The following UBAC2 variants were observed in gnomAD, a reference collection of about 807,000 sequenced individuals.
UBAC2 encodes the protein UBA domain containing 2.
UBAC2 carries 26 observed loss-of-function variants against 44.0 expected under a neutral mutation model. That is an observed-to-expected ratio of 0.59 (90% CI 0.43 to 0.82). The LOEUF (loss-of-function observed/expected upper bound fraction) is 0.82. Among genes scored for constraint, UBAC2 ranks in the 40% least tolerant of loss-of-function variants. The pLI is 0.00. For synonymous variants in UBAC2, 155 were observed against 154.3 expected (o/e 1.00, Z -0.04); for missense variants, 329 against 419.4 (o/e 0.78, Z 1.88).
At chr13:99,243,776 A>C in intron 2 of UBAC2, 56 bp from the exon 3 acceptor site, 1 of 1,516,150 alleles carries the variant, frequency 6.6e-7, no homozygotes, top group Non-Finnish European at 8.9e-7. Context: ...TTGCTAAGGA[A>C]GAGACCCGAA....
At chr13:99,233,624 A>G (rs1453819313) in intron 1 of UBAC2, among the ~76,000 whole-genome samples, 1 of 152,202 alleles carries the variant, frequency 6.6e-6, no homozygotes, top group Non-Finnish European at 1.5e-5. Flanking sequence ...CGTTGGAAAA[A>G]GAATGCAACT....
In UBAC2 at chr13:99,283,914, T is replaced by C. The variant is rs139537934; in HGVS notation, c.390-30183T>C. ...CACGCCCAGCTAATTTTTGTATTTTTAATAGAGACGGTGTTTCACCATGTA... is the reference window on the plus strand; with the variant it reads ...CACGCCCAGCTAATTTTTGTATTTTCAATAGAGACGGTGTTTCACCATGTA... On this transcript the variant is annotated intron_variant, in intron 4 of 8. Coordinates refer to ENST00000403766, the MANE Select transcript of UBAC2 (RefSeq NM_001144072.2). Among the ~76,000 whole-genome samples the C allele has an allele frequency of 8.0e-3, 1,220 of 152,148 alleles. 12 individuals are homozygous for C. Among genetic ancestry groups the C allele is most frequent in the African/African-American group, 0.028 (1,165 of 41,476 alleles).
In UBAC2 at chr13:99,340,502, G is replaced by A; in HGVS notation, c.744G>A (p.Glu248=). 1 of 1,614,178 alleles carries A rather than the reference G, an allele frequency of 6.2e-7. No homozygotes were observed. ...ACATCCAGAGACAGCAGAGAATGGAGCTGCTGGACCGGCAGCTGATGTTCT... is the reference window on the plus strand; with the variant it reads ...ACATCCAGAGACAGCAGAGAATGGAACTGCTGGACCGGCAGCTGATGTTCT... ...TLDIQRQQRM[E]LLDRQLMFSQ... The change falls in exon 7 of 9, where the codon GAG becomes GAA. Residue 248 remains glutamate, a synonymous_variant. Transcript: ENST00000403766.
chr13:99,271,980 G>T (rs1420405710), intron 4 of UBAC2, among the ~76,000 whole-genome samples: 1 of 152,150 alleles, frequency 6.6e-6, no homozygotes, highest in African/African-American at 2.4e-5. Flanking sequence ...TGTTAGGACT[G>T]TTTGATCTTT....
chr13:99,295,358 G>A lies in UBAC2; in HGVS notation c.390-18739G>A, dbSNP rs758206571. 18 of 1,613,218 alleles carry A rather than the reference G, an allele frequency of 1.1e-5. No homozygotes were observed. The highest frequency in any genetic ancestry group is 1.5e-5 in the Non-Finnish European group (18 of 1,179,318). On this transcript the variant is annotated intron_variant, in intron 4 of 8. Transcript: ENST00000403766. This position sits in a 1 kb window ranked among gnomAD's most constrained non-coding sequence, Gnocchi z 4.1. ...CTTCTTAATCATATGTTGAATAATTGCAACATGGTAAGGTGTGAAACAGAG... is the reference window on the plus strand; with the variant it reads ...CTTCTTAATCATATGTTGAATAATTACAACATGGTAAGGTGTGAAACAGAG...
At position 99,215,365 on chromosome 13, in the gene UBAC2, G is replaced by A. The variant is rs933049136; in HGVS notation, c.31+14426G>A. 7 of 1,017,572 alleles carry A rather than the reference G, an allele frequency of 6.9e-6. No individual in the cohort carries two copies. The African/African-American group carries it at 1.1e-4, about 16-fold the overall frequency. The allele number at this position is 1,017,572 out of a possible 1,614,324, so 63.0% of individuals were successfully genotyped here. A position where few individuals can be genotyped will look rare whatever the true frequency, so the allele number is the denominator to read the frequency against. Reference sequence around the variant, plus strand: ...AGTCCTGAGATAACAAGGAATCCAGGCATACATTAGACAGTCTTCTGTTGT... The same window carrying A: ...AGTCCTGAGATAACAAGGAATCCAGACATACATTAGACAGTCTTCTGTTGT... On this transcript the variant is annotated intron_variant, in intron 1 of 8. Transcript: ENST00000403766.
chr13:99,221,647 A>G (rs956532278), intron 1 of UBAC2, among the ~76,000 whole-genome samples: 1 of 152,112 alleles, frequency 6.6e-6, no homozygotes, highest in Admixed American at 6.6e-5. Flanking sequence ...ACTCTAGACC[A>G]TTGAGGATGG....
chr13:99,343,026 G>A (rs887007627), intron 7 of UBAC2, among the ~76,000 whole-genome samples: 9 of 152,340 alleles, frequency 5.9e-5, no homozygotes, highest in Non-Finnish European at 1.0e-4. Context: ...TGTGGTAGTC[G>A]GTGTTAGCTG....
chr13:99,244,368 A>AAT, intron 3 of UBAC2, 147 bp from the exon 4 acceptor site: 1 of 429,566 alleles, frequency 2.3e-6, no homozygotes. Context: ...AATAATTTCA[A>AAT]ATATATATAC....
At chr13:99,356,341 TAGAGCAAGAC>T (rs1328515059) in intron 7 of UBAC2, 1 of 397,256 alleles carries the variant, frequency 2.5e-6, no homozygotes, top group Non-Finnish European at 5.5e-6. Flanking sequence ...TCCAGCCGAC[TAGAGCAAGAC>T]AGAGGAAGAA....
intron 4 of UBAC2, among the ~76,000 whole-genome samples, chr13:99,265,974 C>G (rs1024702927): frequency 6.6e-6 from 1 of 152,054 alleles, no homozygotes; most frequent in Non-Finnish European, 1.5e-5. Context: ...TGAAATAGAT[C>G]CAGATTTCTT....
chr13:99,357,152 G>A (rs2045198098), intron 7 of UBAC2, among the ~76,000 whole-genome samples: 1 of 152,184 alleles, frequency 6.6e-6, no homozygotes, highest in Non-Finnish European at 1.5e-5. Context: ...CTACCATTGT[G>A]TTACAGCTGC....
At chr13:99,299,475 CAG>C (rs899342122) in intron 4 of UBAC2, among the ~76,000 whole-genome samples, 3 of 152,050 alleles carry the variant, frequency 2.0e-5, no homozygotes, top group African/African-American at 4.8e-5. Flanking sequence ...CACACACACA[CAG>C]AAAGATGTCT....
chr13:99,348,514 T>C (rs1274072616), intron 7 of UBAC2, among the ~76,000 whole-genome samples: 2 of 152,074 alleles, frequency 1.3e-5, no homozygotes, highest in African/African-American at 4.8e-5. Context: ...TCGCCTGAGA[T>C]TGAGGTTCCT....
rs747691054 is a variant in UBAC2 at position 99,295,204 on chromosome 13, C to A, written c.390-18893C>A. 3 of 1,614,008 alleles carry A rather than the reference C, an allele frequency of 1.9e-6. No individual in the cohort carries two copies. Among genetic ancestry groups the A allele is most frequent in the Non-Finnish European group, 2.5e-6 (3 of 1,180,026 alleles). ...GCATCCTCATAACCTTTCTCTTATA[C>A]CCTTTACATGCAAAGAAGTAGATAA... On this transcript the variant is annotated intron_variant, in intron 4 of 8. Transcript: ENST00000403766. The surrounding 1 kb of genome is among the most constrained non-coding windows in gnomAD (Gnocchi z 4.1).
chr13:99,246,674 A>C (rs940543876), intron 4 of UBAC2, among the ~76,000 whole-genome samples: 2 of 152,228 alleles, frequency 1.3e-5, no homozygotes, highest in Middle Eastern at 3.2e-3. Context: ...AGTACATAAA[A>C]AGATTGATTC....
chr13:99,341,437 G>T (rs937550637), intron 7 of UBAC2, among the ~76,000 whole-genome samples: 2 of 145,592 alleles, frequency 1.4e-5, no homozygotes, highest in South Asian at 2.4e-4. Context: ...GAGGAAGGGG[G>T]CAGCTTATTA....
At chr13:99,368,858 C>T (rs549299373) in intron 8 of UBAC2, among the ~76,000 whole-genome samples, 106 of 152,190 alleles carry the variant, frequency 7.0e-4, no homozygotes, top group Non-Finnish European at 1.3e-3. Context: ...TTTAGGAAAA[C>T]GGTGGATTCC....
intron 7 of UBAC2, among the ~76,000 whole-genome samples, chr13:99,346,295 C>T (rs562466195): frequency 1.3e-5 from 2 of 152,320 alleles, no homozygotes; most frequent in South Asian, 4.1e-4. Context: ...TCCCTCCCAT[C>T]TCCATCACCG....
Sources: allele counts gnomAD v4.1 joint callset (sites outside exome capture counted in the v4.1 genomes callset), GRCh38; gene constraint gnomAD v4.1.1; non-coding constraint Gnocchi (gnomAD v3.1); transcripts MANE v1.5; gene names NCBI Gene and HGNC (gene_info 2026-07-23, HGNC 2026-07-21).